The following THADA variants were observed in gnomAD, a reference collection of about 807,000 sequenced individuals.
The protein encoded by THADA is THADA armadillo repeat containing, also known as tRNA (32-2'-O)-methyltransferase regulator THADA.
Under a neutral mutation model 219.8 loss-of-function variants are expected in THADA, and 213 were observed. The observed-to-expected ratio is 0.97, with a 90% confidence interval of 0.87 to 1.09. The LOEUF is 1.09. Ranked by LOEUF, THADA falls within the 50% of genes least tolerant of loss-of-function variation. THADA has a pLI of 0.00. For missense variants in THADA, 2,956 were observed against 2,311.3 expected (o/e 1.28, Z -5.72); for synonymous variants, 1,018 against 828.9 (o/e 1.23, Z -3.92).
chr2:43,299,384 C>T (rs764899554), intron 31 of THADA, among the ~76,000 whole-genome samples: 6 of 152,182 alleles, frequency 3.9e-5, no homozygotes, highest in Admixed American at 6.5e-5. Flanking sequence ...TCTAGCCGGG[C>T]GCAGTGGCTC....
chr2:43,479,227 C>A (rs1685893010), intron 26 of THADA, among the ~76,000 whole-genome samples: 1 of 152,174 alleles, frequency 6.6e-6, no homozygotes, highest in South Asian at 2.1e-4. Flanking sequence ...CTGTTGCTAA[C>A]AGAAACTTCA....
intron 29 of THADA, among the ~76,000 whole-genome samples, chr2:43,370,419 CG>C (rs1670663444): frequency 6.6e-6 from 1 of 152,118 alleles, no homozygotes; most frequent in African/African-American, 2.4e-5. Flanking sequence ...AGGCCGCTTT[CG>C]GGAAAGGACA....
intron 26 of THADA, among the ~76,000 whole-genome samples, chr2:43,455,994 G>A (rs575765646): frequency 8.5e-5 from 13 of 152,206 alleles, no homozygotes; most frequent in Admixed American, 7.2e-4. Flanking sequence ...TTGTGCAGAC[G>A]AACTGCTCGA....
intron 21 of THADA, among the ~76,000 whole-genome samples, chr2:43,533,349 G>A (rs1366443561): frequency 6.6e-6 from 1 of 152,170 alleles, no homozygotes; most frequent in Non-Finnish European, 1.5e-5. Flanking sequence ...CAAGGATCTA[G>A]AACTAGAAAT....
At chr2:43,514,759 A>C (rs1691087876) in intron 22 of THADA, among the ~76,000 whole-genome samples, 1 of 72,230 alleles carries the variant, frequency 1.4e-5, no homozygotes, top group African/African-American at 6.7e-5. Flanking sequence ...TTTTATATAT[A>C]ATATGTATAA....
At chr2:43,295,554 A>G (rs913180011) in intron 31 of THADA, among the ~76,000 whole-genome samples, 1 of 152,238 alleles carries the variant, frequency 6.6e-6, no homozygotes, top group African/African-American at 2.4e-5. Flanking sequence ...ACTGTACCCA[A>G]GATGTTAACA....
At chr2:43,548,841 C>T (rs1212395803) in intron 20 of THADA, among the ~76,000 whole-genome samples, 1 of 152,254 alleles carries the variant, frequency 6.6e-6, no homozygotes, top group Non-Finnish European at 1.5e-5. Flanking sequence ...AATGCCTCGC[C>T]CTGCTTCGGC....
chr2:43,378,504 A>G (rs1671635907), intron 29 of THADA, among the ~76,000 whole-genome samples: 1 of 152,250 alleles, frequency 6.6e-6, no homozygotes, highest in African/African-American at 2.4e-5. Flanking sequence ...TAACAGAAAA[A>G]TCTTAAATGC....
intron 15 of THADA, chr2:43,566,320 G>A (rs1410337663): frequency 1.8e-6 from 1 of 557,010 alleles, no homozygotes; most frequent in South Asian, 2.8e-5. Context: ...TAACCACAGA[G>A]ACTCACTGAG....
At chr2:43,467,485 T>C (rs998773193) in intron 26 of THADA, among the ~76,000 whole-genome samples, 2 of 152,220 alleles carry the variant, frequency 1.3e-5, no homozygotes, top group Admixed American at 6.5e-5. Context: ...ACTACCATCA[T>C]GAACAATACA....
At chr2:43,440,740 A>T (rs76172386) in intron 26 of THADA, among the ~76,000 whole-genome samples, 2,010 of 152,300 alleles carry the variant, frequency 0.013, 135 homozygotes, top group Admixed American at 0.094. Context: ...TTCTTGGTTG[A>T]GTAAGAAACA....
chr2:43,500,266 G>A (rs144429589), intron 24 of THADA, among the ~76,000 whole-genome samples: 61 of 152,346 alleles, frequency 4.0e-4, no homozygotes, highest in African/African-American at 1.4e-3. Context: ...AGAGAAGGAT[G>A]TGGACTGGAA....
intron 15 of THADA, chr2:43,564,828 A>G (rs1322746205): frequency 6.6e-6 from 1 of 152,244 alleles, no homozygotes; most frequent in East Asian, 1.9e-4. Context: ...TCAGGAAACA[A>G]TGAGACAAAC....
intron 16 of THADA, 133 bp from the exon 17 acceptor site, chr2:43,556,688 G>C: frequency 1.3e-6 from 1 of 761,244 alleles, no homozygotes; most frequent in Non-Finnish European, 2.1e-6. Flanking sequence ...TACTCAAGAG[G>C]CTGATGGAGG....
chr2:43,379,723 C>A (rs1671779258), intron 29 of THADA, among the ~76,000 whole-genome samples: 1 of 152,154 alleles, frequency 6.6e-6, no homozygotes. Flanking sequence ...CTTATGTTCA[C>A]ATAAAAACCA....
chr2:43,304,311 G>C (rs563663649), intron 31 of THADA, among the ~76,000 whole-genome samples: 91 of 152,272 alleles, frequency 6.0e-4, no homozygotes, highest in African/African-American at 2.1e-3. Flanking sequence ...CACACAACTT[G>C]TTCTATTTAG....
Position 43,586,957 on chromosome 2 carries a change from G to T in THADA, c.348C>A (p.His116Gln). ...CTTCCTGAAGACGAGAAGTAAAACGGTGCATAGCCTCAGGTAGAAAAAAAT... is the reference window on the plus strand; with the variant it reads ...CTTCCTGAAGACGAGAAGTAAAACGTTGCATAGCCTCAGGTAGAAAAAAAT... ...LPDFFLPEAM[H>Q]RFTSRLQEEL... Residue 116 changes from histidine to glutamine, a missense_variant, in exon 5 of 38, where the codon CAC becomes CAA. Physicochemically the swap from His to Gln is conservative, Grantham distance 24. Coordinates refer to ENST00000405975, the MANE Select transcript of THADA (RefSeq NM_022065.5). 1 of 1,613,728 alleles carries T rather than the reference G, an allele frequency of 6.2e-7. No individual in the cohort carries two copies. The highest frequency in any genetic ancestry group is 8.5e-7 in the Non-Finnish European group (1 of 1,179,788).
intron 29 of THADA, among the ~76,000 whole-genome samples, chr2:43,344,508 T>C (rs571907222): frequency 6.6e-6 from 1 of 152,212 alleles, no homozygotes; most frequent in African/African-American, 2.4e-5. Context: ...GCCACAAGAG[T>C]TTATTAGTTA....
chr2:43,417,246 A>G (rs1677109779), intron 28 of THADA, among the ~76,000 whole-genome samples: 1 of 151,912 alleles, frequency 6.6e-6, no homozygotes, highest in Admixed American at 6.6e-5. Context: ...CATACTAAAG[A>G]CAGATAGAAA....
Sources: allele counts gnomAD v4.1 joint callset (sites outside exome capture counted in the v4.1 genomes callset), GRCh38; gene constraint gnomAD v4.1.1; transcripts MANE v1.5; gene names NCBI Gene and HGNC (gene_info 2026-07-23, HGNC 2026-07-21).